The following SPAG17 variants were observed in gnomAD, a reference collection of about 807,000 sequenced individuals.
SPAG17 encodes the protein sperm associated antigen 17.
SPAG17 carries 169 observed loss-of-function variants against 273.6 expected under a neutral mutation model. The ratio of observed to expected loss-of-function variants is 0.62; its 90% CI spans 0.55 to 0.70. The LOEUF (loss-of-function observed/expected upper bound fraction) is 0.70. Among genes scored for constraint, SPAG17 ranks in the 30% least tolerant of loss-of-function variants. The probability of loss-of-function intolerance (pLI) is 0.00; values close to 1 mark genes in which losing one functional copy is unlikely to be tolerated. For missense variants in SPAG17, 2,557 were observed against 2,627.8 expected, an observed-to-expected ratio of 0.97 and a Z score of 0.59; for synonymous variants, 825 against 873.2, an observed-to-expected ratio of 0.94 and a Z score of 0.97.
intron 3 of SPAG17, among the ~76,000 whole-genome samples, chr1:118,125,215 AT>A (rs925981969): frequency 2.7e-5 from 4 of 148,840 alleles, no homozygotes; most frequent in African/African-American, 5.1e-5. Flanking sequence ...AATTTGTATT[AT>A]TTTTTATTGT....
intron 43 of SPAG17, among the ~76,000 whole-genome samples, chr1:117,975,627 G>A (rs919674662): frequency 6.6e-5 from 10 of 152,158 alleles, no homozygotes; most frequent in South Asian, 2.1e-4. Flanking sequence ...GTGAATCACC[G>A]TCTGCTGGGC....
Position 118,086,667 on chromosome 1 carries a change from T to C in SPAG17, c.1611+4A>G, listed in dbSNP as rs1655019286. On this transcript the variant is annotated splice_donor_region_variant and intron_variant, in intron 12 of 48. Transcript: ENST00000336338. ...TTTCCTTGGGCTAACCTGATTATTA[T>C]TACCTGTAGTGCGTACTTCTTGTGG... 1 of 1,613,340 alleles carries C rather than the reference T, an allele frequency of 6.2e-7. No homozygotes were observed. The highest frequency in any genetic ancestry group is 8.5e-7 in the Non-Finnish European group (1 of 1,179,284).
chr1:118,086,166 C>T, intron 12 of SPAG17, 94 bp from the exon 13 acceptor site: 2 of 1,168,784 alleles, frequency 1.7e-6, no homozygotes, highest in Non-Finnish European at 2.4e-6. Flanking sequence ...CCTTCACCCT[C>T]ATTATTTGGG....
At chr1:118,105,225 A>G (rs1244154954) in intron 4 of SPAG17, among the ~76,000 whole-genome samples, 1 of 152,180 alleles carries the variant, frequency 6.6e-6, no homozygotes, top group Non-Finnish European at 1.5e-5. Context: ...AAGGCAGGAA[A>G]GAGGCAGGAG....
intron 43 of SPAG17, among the ~76,000 whole-genome samples, chr1:117,978,194 C>T (rs1287792094): frequency 6.6e-6 from 1 of 152,178 alleles, no homozygotes; most frequent in African/African-American, 2.4e-5. Flanking sequence ...GTTTTGCTTT[C>T]CTGCTTATCT....
chr1:117,984,862 T>A, intron 40 of SPAG17, 80 bp from the exon 41 acceptor site: 1 of 861,588 alleles, frequency 1.2e-6, no homozygotes, highest in Non-Finnish European at 1.9e-6. Flanking sequence ...TAGCTCTAAA[T>A]CCCACAAAAA....
At chr1:118,017,249 C>CT (rs1293383236) in intron 28 of SPAG17, among the ~76,000 whole-genome samples, 1 of 152,106 alleles carries the variant, frequency 6.6e-6, no homozygotes, top group Non-Finnish European at 1.5e-5. Context: ...TAGGAATTAT[C>CT]TTTTTTTCTA....
intron 3 of SPAG17, among the ~76,000 whole-genome samples, chr1:118,142,275 A>C (rs557461920): frequency 6.6e-6 from 1 of 152,198 alleles, no homozygotes; most frequent in Non-Finnish European, 1.5e-5. Flanking sequence ...GAGTCGTCAA[A>C]TTCGTAGAAA....
chr1:118,105,151 A>G (rs551806225), intron 4 of SPAG17, among the ~76,000 whole-genome samples: 7 of 152,228 alleles, frequency 4.6e-5, no homozygotes, highest in Admixed American at 6.5e-5. Flanking sequence ...AGACATCTTG[A>G]TGGTGTTGAG....
intron 3 of SPAG17, among the ~76,000 whole-genome samples, chr1:118,117,816 G>A (rs1657181352): frequency 1.3e-5 from 2 of 152,218 alleles, no homozygotes; most frequent in Non-Finnish European, 1.5e-5. Context: ...CCTCCCCCAG[G>A]GTTGCTCTGA....
chr1:117,963,275 G>T (rs989712035), intron 48 of SPAG17: 1 of 151,976 alleles, frequency 6.6e-6, no homozygotes, highest in Non-Finnish European at 1.5e-5. Context: ...CAAGATTAGG[G>T]TATAAAGCAC....
At chr1:118,032,060 G>A (rs1332602910) in intron 24 of SPAG17, among the ~76,000 whole-genome samples, 193 bp from the exon 25 acceptor site, 1 of 152,122 alleles carries the variant, frequency 6.6e-6, no homozygotes, top group African/African-American at 2.4e-5. Context: ...TAGAAAATTT[G>A]AGGTATTTAT....
intron 4 of SPAG17, among the ~76,000 whole-genome samples, chr1:118,113,016 T>C (rs2102250179): frequency 6.6e-6 from 1 of 152,264 alleles, no homozygotes; most frequent in South Asian, 2.1e-4. Flanking sequence ...CTAGCTATAT[T>C]ACTTATTTTT....
Position 117,987,861 on chromosome 1 carries a change from C to T in SPAG17, c.5642G>A (p.Arg1881His), listed in dbSNP as rs781066299. The change falls in exon 40 of 49, where the codon CGC becomes CAC. Residue 1881 changes from arginine (R) to histidine (H), a missense_variant. Arg to His is a conservative substitution (Grantham distance 29). Coordinates refer to ENST00000336338, the MANE Select transcript of SPAG17 (RefSeq NM_206996.4). ...CGTTTTGTCTATCTTTTCTTTCCAG[C>T]GTTTTGAGGATGCTGTGTGTCTATG... ...KTWRHTASSK[R>H]WKEKIDKTRK... 2.4e-5 allele frequency: 39 copies of T among 1,611,872 alleles called. No individual in the cohort carries two copies. The highest frequency in any genetic ancestry group is 1.6e-4 in the Middle Eastern group (1 of 6,072).
chr1:118,066,506 C>T (rs1175624816), intron 18 of SPAG17, among the ~76,000 whole-genome samples: 1 of 152,158 alleles, frequency 6.6e-6, no homozygotes, highest in African/African-American at 2.4e-5. Context: ...TCACTAGATT[C>T]CACGAGGGCA....
chr1:118,007,898 A>C (rs1398742154), intron 31 of SPAG17, 146 bp downstream of exon 31: 1 of 778,782 alleles, frequency 1.3e-6, no homozygotes, highest in African/African-American at 1.7e-5. Context: ...AGAGTTTGAG[A>C]AGTATATTCT....
At chr1:118,038,563 A>G (rs1649359947) in intron 23 of SPAG17, among the ~76,000 whole-genome samples, 1 of 152,222 alleles carries the variant, frequency 6.6e-6, no homozygotes, top group Non-Finnish European at 1.5e-5. Context: ...ATTGTGGTAC[A>G]TCTAGACAAT....
intron 7 of SPAG17, among the ~76,000 whole-genome samples, chr1:118,097,241 G>A (rs1490959892): frequency 2.0e-5 from 3 of 150,288 alleles, no homozygotes; most frequent in African/African-American, 2.4e-5. Context: ...AAAAAAAAAA[G>A]GGGGGAATAA....
intron 28 of SPAG17, among the ~76,000 whole-genome samples, chr1:118,020,709 TA>T (rs1443382340): frequency 6.6e-6 from 1 of 152,064 alleles, no homozygotes; most frequent in Admixed American, 6.6e-5. Context: ...TGTAGTAGAT[TA>T]AAAAAATCTG....
Sources: gnomAD v4.1 joint callset for allele counts (sites outside exome capture counted in the v4.1 genomes callset) on GRCh38, gnomAD v4.1.1 for gene constraint, MANE v1.5 for transcripts, NCBI Gene and HGNC (gene_info 2026-07-23, HGNC 2026-07-21) for gene names.